The following SMARCA1 variants were observed in gnomAD, a reference collection of about 807,000 sequenced individuals.
The protein encoded by SMARCA1 is SWI/SNF-related matrix-associated actin-dependent regulator of chromatin subfamily A member 1.
A neutral mutation model predicts 93.6 loss-of-function variants in SMARCA1; 17 were observed. That is an observed-to-expected ratio of 0.18 (90% CI 0.12 to 0.27). SMARCA1 has a LOEUF of 0.27. SMARCA1 is among the 10% of genes least tolerant of loss of function. SMARCA1 has a pLI of 1.00. For missense variants in SMARCA1, 630 were observed against 819.0 expected (o/e 0.77, Z 2.82); for synonymous variants, 271 against 271.4 (o/e 1.00, Z 0.01).
In SMARCA1 at chrX:129,486,860, A is replaced by T. The variant is rs184614274; in HGVS notation, c.2217+158T>A. Among the ~76,000 whole-genome samples, 4 of 111,266 alleles carry T rather than the reference A, an allele frequency of 3.6e-5. No individual in the cohort carries two copies. In the East Asian group the frequency reaches 1.1e-3, roughly 31 times the overall value. ...TGACGACGACGACGATAAACCAATA[A>T]AATAAACGAAAGATATACCTTGCAT... On this transcript the variant is annotated intron_variant, in intron 17 of 24. Coordinates refer to ENST00000371121, the MANE Select transcript of SMARCA1 (RefSeq NM_001282874.2).
At chrX:129,516,280 A>C in intron 3 of SMARCA1, 51 bp downstream of exon 3, 1 of 1,114,684 alleles carries the variant, frequency 9.0e-7, no homozygotes. Context: ...GGACAGGAGG[A>C]AGAAAAGGTA....
intron 5 of SMARCA1, among the ~76,000 whole-genome samples, chrX:129,512,624 T>C (rs773081571): frequency 8.9e-6 from 1 of 112,031 alleles, no homozygotes. Context: ...TAAGTCCTTT[T>C]TCGGCCTCTT....
chrX:129,476,100 T>C (rs759881070), intron 19 of SMARCA1, among the ~76,000 whole-genome samples: 2 of 112,582 alleles, frequency 1.8e-5, no homozygotes, highest in African/African-American at 6.4e-5. Context: ...TTTTTTATGC[T>C]GTAATTGAAA....
chrX:129,506,616 G>A (rs1569447065), intron 7 of SMARCA1, among the ~76,000 whole-genome samples: 1 of 104,904 alleles, frequency 9.5e-6, no homozygotes, highest in Admixed American at 1.0e-4. Flanking sequence ...TTTCAATCCA[G>A]GAGGCGGAAG....
At chrX:129,460,146 CA>C (rs1177682745) in intron 23 of SMARCA1, among the ~76,000 whole-genome samples, 26 of 106,301 alleles carry the variant, frequency 2.4e-4, no homozygotes, top group African/African-American at 8.6e-4. Flanking sequence ...GACCCTGTTT[CA>C]AAAAAAAAAT....
In SMARCA1 at chrX:129,497,922, G is replaced by A. The variant is rs1398286132; in HGVS notation, c.1427C>T (p.Thr476Ile). The A allele has an allele frequency of 8.3e-7, 1 of 1,207,675 alleles. No homozygotes were observed. Among genetic ancestry groups the A allele is most frequent in the Admixed American group, 2.2e-5 (1 of 46,017 alleles). ...GTTGCTGACAATATGCTCATCAGTGGTATAAGGTGGACCAGGTTCAGCACC... is the reference window on the plus strand; with the variant it reads ...GTTGCTGACAATATGCTCATCAGTGATATAAGGTGGACCAGGTTCAGCACC... ...FDGAEPGPPY[T>I]TDEHIVSNSG... The change falls in exon 11 of 25, where the codon ACC (threonine) becomes ATC (isoleucine). Residue 476 changes from threonine (T) to isoleucine (I), a missense_variant. This residue lies in a region of SMARCA1 where 382 missense variants were observed against 537.9 expected (regional missense o/e 0.71). Transcript: ENST00000371121.
At chrX:129,448,307 A>C (rs766116604) in intron 24 of SMARCA1, 26 bp downstream of exon 24, 39 of 1,197,653 alleles carry the variant, frequency 3.3e-5, no homozygotes, top group Non-Finnish European at 4.2e-5. Context: ...TCTACCTAAA[A>C]GTTAGGAAAA....
chrX:129,457,653 A>G (rs1037258563), intron 23 of SMARCA1, among the ~76,000 whole-genome samples: 7 of 112,229 alleles, frequency 6.2e-5, no homozygotes, highest in Admixed American at 3.8e-4. Flanking sequence ...GAATTCTTCC[A>G]ATGATGGAGT....
Position 129,504,791 on chromosome X carries a change from A to C in SMARCA1, c.1110T>G (p.Ser370=). 1 of 1,195,412 alleles carries C rather than the reference A, an allele frequency of 8.4e-7. No homozygotes were observed. Among genetic ancestry groups the C allele is most frequent in the Non-Finnish European group, 1.1e-6 (1 of 881,004 alleles). ...DVFNSADDFD[S]WFDTKNCLGD... is the part of the protein sequence containing the mutation. ...CAAGACAATTTTTAGTGTCAAACCA[A>C]GAATCAAAGTCCTGTAGAGGGGTGG... Residue 370 remains serine (S), a synonymous_variant, in exon 9 of 25, where the codon TCT becomes TCG. Coordinates refer to ENST00000371121, the MANE Select transcript of SMARCA1 (RefSeq NM_001282874.2).
intron 6 of SMARCA1, among the ~76,000 whole-genome samples, chrX:129,508,623 A>C: frequency 8.9e-6 from 1 of 112,550 alleles, no homozygotes; most frequent in African/African-American, 3.2e-5. Flanking sequence ...GAAGCCCACT[A>C]ATGTTTTTGT....
At chrX:129,505,988 A>T (rs1934794531) in intron 8 of SMARCA1, 92 bp downstream of exon 8, 4 of 714,438 alleles carry the variant, frequency 5.6e-6, no homozygotes, top group Non-Finnish European at 8.1e-6. Flanking sequence ...ATTACAAATT[A>T]AAAAGTACCA....
At chrX:129,497,030 C>T (rs1274798379) in intron 11 of SMARCA1, among the ~76,000 whole-genome samples, 159 bp from the exon 12 acceptor site, 1 of 111,412 alleles carries the variant, frequency 9.0e-6, no homozygotes, top group African/African-American at 3.3e-5. Flanking sequence ...CACCCCCACA[C>T]ACCTTCAAGA....
chrX:129,453,692 T>C (rs1305640682), intron 23 of SMARCA1, among the ~76,000 whole-genome samples: 8 of 111,381 alleles, frequency 7.2e-5, no homozygotes, highest in Non-Finnish European at 1.3e-4. Context: ...CAACTCACAA[T>C]TGCTACCAGG....
intron 19 of SMARCA1, among the ~76,000 whole-genome samples, chrX:129,480,160 G>C (rs1421680966): frequency 8.9e-6 from 1 of 111,926 alleles, no homozygotes; most frequent in Non-Finnish European, 1.9e-5. Flanking sequence ...ATGAAAACTA[G>C]GATTCTATCT....
At chrX:129,463,575 T>C (rs1416316874) in intron 23 of SMARCA1, among the ~76,000 whole-genome samples, 1 of 112,236 alleles carries the variant, frequency 8.9e-6, no homozygotes, top group Middle Eastern at 4.2e-3. Context: ...CTTCCTACTG[T>C]ACCTTGCTAA....
At chrX:129,458,802 TTGTGC>T (rs1932751689) in intron 23 of SMARCA1, among the ~76,000 whole-genome samples, 1 of 112,325 alleles carries the variant, frequency 8.9e-6, no homozygotes, top group African/African-American at 3.2e-5. Context: ...CACTCCGCAT[TTGTGC>T]CTCTGAATTT....
At position 129,452,335 on chromosome X, in the gene SMARCA1, C is replaced by G. The variant is rs576941220; in HGVS notation, c.3031-3892G>C. On this transcript the variant is annotated intron_variant, in intron 23 of 24. Coordinates refer to ENST00000371121, the MANE Select transcript of SMARCA1 (RefSeq NM_001282874.2). ...TAGTTATCTCTTTCTCTCACCATTT[C>G]CCCACACTGGATTTAAAAATGAAGT... Among the ~76,000 whole-genome samples, 4 of 111,955 alleles carry G rather than the reference C, an allele frequency of 3.6e-5. No homozygotes were observed. In the South Asian group the frequency reaches 1.5e-3, roughly 42 times the overall value.
intron 16 of SMARCA1, 134 bp from the exon 17 acceptor site, chrX:129,487,271 T>C (rs1349047174): frequency 9.8e-6 from 4 of 410,086 alleles, no homozygotes; most frequent in African/African-American, 5.1e-5. Context: ...ATGAATGCAA[T>C]GCTAACATCA....
At position 129,488,979 on chromosome X, in the gene SMARCA1, T is replaced by C; in HGVS notation, c.2055A>G (p.Thr685=). ...HVFASKESEL[T]DEDITTILER... is the part of the protein sequence containing the mutation. The stretch of plus-strand genomic sequence containing the variant: ...CCAGAATAGTTGTAATGTCTTCATC[T>C]GTCAACTCACTCTCTTTAGAAGCAA... The change falls in exon 16 of 25, where the codon ACA becomes ACG. Residue 685 remains threonine (T), a synonymous_variant. Coordinates refer to ENST00000371121, the MANE Select transcript of SMARCA1 (RefSeq NM_001282874.2). The C allele has an allele frequency of 8.4e-7, 1 of 1,185,814 alleles. No homozygotes were observed.
Sources: gnomAD v4.1 joint callset for allele counts (sites outside exome capture counted in the v4.1 genomes callset) on GRCh38, gnomAD v4.1.1 for gene constraint, gnomAD v4.1.1 regional missense constraint, MANE v1.5 for transcripts, NCBI Gene and HGNC (gene_info 2026-07-23, HGNC 2026-07-21) for gene names.